Variants in MPP2 observed in about 807,000 individuals in gnomAD.
MPP2 encodes MAGUK p55 scaffold protein 2.
Under a neutral mutation model 58.5 loss-of-function variants are expected in MPP2, and 42 were observed. That is an observed-to-expected ratio of 0.72 (90% CI 0.56 to 0.93). The LOEUF (loss-of-function observed/expected upper bound fraction) is 0.93, where lower values mean the gene tolerates loss of function less well. MPP2 is among the 40% of genes least tolerant of loss of function. MPP2 has a pLI of 0.00. For missense variants in MPP2, 632 were observed against 760.4 expected, an observed-to-expected ratio of 0.83 and a Z score of 1.99; for synonymous variants, 300 against 307.8, an observed-to-expected ratio of 0.97 and a Z score of 0.26.
chr17:43,894,880 C>T (rs1194446806), intron 3 of MPP2, among the ~76,000 whole-genome samples: 1 of 151,836 alleles, frequency 6.6e-6, no homozygotes. Flanking sequence ...GAGTTCCAGG[C>T]TGCAGTGAGC....
chr17:43,900,635 G>A (rs888485729), intron 2 of MPP2: 1 of 1,448,554 alleles, frequency 6.9e-7, no homozygotes, highest in South Asian at 1.4e-5. Context: ...GGCCGGGCTG[G>A]GGAAGGCGGG....
At chr17:43,895,947 G>A (rs192942249) in intron 3 of MPP2, among the ~76,000 whole-genome samples, 2 of 152,108 alleles carry the variant, frequency 1.3e-5, no homozygotes, top group East Asian at 1.9e-4. Flanking sequence ...TTCATCTTTC[G>A]CTGTTAACAA....
At chr17:43,904,822 T>C (rs941362167) in intron 1 of MPP2, among the ~76,000 whole-genome samples, 1 of 152,250 alleles carries the variant, frequency 6.6e-6, no homozygotes, top group African/African-American at 2.4e-5. Context: ...TGTTTCTTCC[T>C]GTTGTATTTT....
At chr17:43,900,631 G>T (rs1164474570) in intron 2 of MPP2, 1 of 1,450,898 alleles carries the variant, frequency 6.9e-7, no homozygotes, top group Non-Finnish European at 9.1e-7. Flanking sequence ...GCCTGGCCGG[G>T]CTGGGGAAGG....
intron 3 of MPP2, among the ~76,000 whole-genome samples, chr17:43,886,453 T>C (rs960889698): frequency 6.6e-6 from 1 of 152,164 alleles, no homozygotes; most frequent in Non-Finnish European, 1.5e-5. Flanking sequence ...ATTGCATGAC[T>C]GGATTCCTGT....
intron 3 of MPP2, among the ~76,000 whole-genome samples, chr17:43,894,616 G>GAAAAAA (rs36073194): frequency 1.5e-5 from 1 of 66,084 alleles, no homozygotes; most frequent in African/African-American, 5.8e-5. Flanking sequence ...GACTCCAGAG[G>GAAAAAA]AAAAAAAAAA....
intron 2 of MPP2, chr17:43,900,320 G>A (rs1051636941): frequency 6.5e-6 from 5 of 766,624 alleles, no homozygotes; most frequent in South Asian, 4.4e-5. Context: ...CTGAGCCAAG[G>A]GAGTTGGTGC....
At chr17:43,900,119 C>T (rs2048025444) in intron 2 of MPP2, among the ~76,000 whole-genome samples, 1 of 152,216 alleles carries the variant, frequency 6.6e-6, no homozygotes, top group African/African-American at 2.4e-5. Context: ...CCATCTCCTT[C>T]CTCCTCCTGC....
At chr17:43,898,193 AATACCC>A (rs2047929900) in intron 3 of MPP2, 63 bp downstream of exon 3, 1 of 1,196,330 alleles carries the variant, frequency 8.4e-7, no homozygotes, top group Non-Finnish European at 1.2e-6. Flanking sequence ...CTCTGTAGCT[AATACCC>A]CATCCCCTAC....
chr17:43,880,842 A>G lies in MPP2; in HGVS notation c.999T>C (p.Arg333=), dbSNP rs2047079704. ...YLTTKNAEFD[R]HELLIYEEVA... ...CCTCCTCATAAATGAGCAGCTCATG[A>G]CGGTCAAACTCTGGACACAGGGAGA... Residue 333 remains arginine (R), a synonymous_variant, in exon 10 of 13, where the codon CGT becomes CGC. Transcript: ENST00000269095. The surrounding 1 kb of genome is among the most constrained non-coding windows in gnomAD (Gnocchi z 5.2). 7.5e-6 allele frequency: 12 copies of G among 1,603,036 alleles called. No homozygotes were observed. Among genetic ancestry groups the G allele is most frequent in the Non-Finnish European group, 1.0e-5 (12 of 1,173,272 alleles).
At chr17:43,881,192 A>G in intron 8 of MPP2, 34 bp from the exon 9 acceptor site, 1 of 1,613,742 alleles carries the variant, frequency 6.2e-7, no homozygotes, top group Non-Finnish European at 8.5e-7. Flanking sequence ...TGAGGCAGAC[A>G]GGGCCCTGTT....
chr17:43,882,377 G>T lies in MPP2; in HGVS notation c.588C>A (p.Asp196Glu), dbSNP rs757998453. ...KEVNGQPVGS[D>E]PRALQELLRN... ...GCAGGAGCTCCTGCAGTGCGCGGGGGTCACTGCCCACTGGCTGCCCGTTCA... is the reference window on the plus strand; with the variant it reads ...GCAGGAGCTCCTGCAGTGCGCGGGGTTCACTGCCCACTGGCTGCCCGTTCA... The change falls in exon 6 of 13, where the codon GAC (aspartate) becomes GAA (glutamate). Residue 196 changes from aspartate (D) to glutamate (E), a missense_variant. Asp to Glu is a conservative substitution (Grantham distance 45). Coordinates refer to ENST00000269095, the MANE Select transcript of MPP2 (RefSeq NM_005374.5). 1.2e-6 allele frequency: 2 copies of T among 1,612,248 alleles called. No individual in the cohort carries two copies. The highest frequency in any genetic ancestry group is 1.7e-6 in the Non-Finnish European group (2 of 1,179,954).
intron 3 of MPP2, among the ~76,000 whole-genome samples, chr17:43,896,649 C>T (rs557782386): frequency 3.3e-5 from 5 of 152,218 alleles, no homozygotes; most frequent in African/African-American, 7.2e-5. Context: ...CCAAAGCCCC[C>T]GCTCCTTTCT....
upstream of MPP2, chr17:43,907,826 G>C (rs2048353493): frequency 3.8e-5 from 37 of 985,330 alleles, no homozygotes; most frequent in Admixed American, 6.1e-5. Context: ...GATGGTAAAA[G>C]TGCCTAATGA....
rs771464715 is a variant in MPP2 at position 43,879,758 on chromosome 17, T to G, written c.1353+24A>C. 1.9e-6 allele frequency: 3 copies of G among 1,611,904 alleles called. No individual in the cohort carries two copies. The highest frequency in any genetic ancestry group is 3.3e-5 in the Admixed American group (2 of 59,974). On this transcript the variant is annotated intron_variant, in intron 11 of 12. Transcript: ENST00000269095. The surrounding 1 kb of genome is among the most constrained non-coding windows in gnomAD (Gnocchi z 4.1). Reference sequence around the variant, plus strand: ...GCAGCAGAGAGGACATTGGGCAGGCTGGGAAGGAGCAGAGTGGCGGTACCT... The same window carrying G: ...GCAGCAGAGAGGACATTGGGCAGGCGGGGAAGGAGCAGAGTGGCGGTACCT...
chr17:43,896,716 A>T (rs1046807742), intron 3 of MPP2, among the ~76,000 whole-genome samples: 1 of 152,134 alleles, frequency 6.6e-6, no homozygotes, highest in African/African-American at 2.4e-5. Context: ...TGACATGGAC[A>T]GTCGAGGTCC....
intron 2 of MPP2, among the ~76,000 whole-genome samples, chr17:43,903,287 A>G (rs1276806108): frequency 6.6e-6 from 1 of 151,748 alleles, no homozygotes; most frequent in Admixed American, 6.6e-5. Flanking sequence ...AAAAAAAAAA[A>G]AAAGAAAAAG....
chr17:43,886,559 A>G (rs771576132), intron 3 of MPP2, among the ~76,000 whole-genome samples: 3 of 152,224 alleles, frequency 2.0e-5, no homozygotes, highest in Non-Finnish European at 4.4e-5. Flanking sequence ...ATAGTATTCT[A>G]TATCTGTGGA....
rs1597754592 is a variant in MPP2, at chr17:43,880,626, C to T, written c.1150+65G>A. ...CATGAAGATGCCCATTCGGTGGGCCCAGCCCTGGCCCCAGGGGAGCCCTGC... is the reference window on the plus strand; with the variant it reads ...CATGAAGATGCCCATTCGGTGGGCCTAGCCCTGGCCCCAGGGGAGCCCTGC... On this transcript the variant is annotated intron_variant, in intron 10 of 12. Transcript: ENST00000269095. This position sits in a 1 kb window ranked among gnomAD's most constrained non-coding sequence, Gnocchi z 5.2. The T allele has an allele frequency of 6.6e-7, 1 of 1,523,096 alleles. No individual in the cohort carries two copies. Among genetic ancestry groups the T allele is most frequent in the Non-Finnish European group, 8.8e-7 (1 of 1,131,704 alleles). 94.3% of individuals were successfully genotyped at this position (1,523,096 alleles called of 1,614,324 possible).
Sources: allele counts gnomAD v4.1 joint callset (sites outside exome capture counted in the v4.1 genomes callset), GRCh38; gene constraint gnomAD v4.1.1; non-coding constraint Gnocchi (gnomAD v3.1); transcripts MANE v1.5; gene names NCBI Gene and HGNC (gene_info 2026-07-23, HGNC 2026-07-21).